ROBO2: variants seen among roughly 807,000 people sequenced by gnomAD.
ROBO2 encodes roundabout guidance receptor 2, also known as roundabout homolog 2.
In ROBO2, 53 loss-of-function variants were observed where a neutral mutation model predicts 160.8. The observed-to-expected ratio is 0.33, with a 90% CI of 0.26 to 0.41. The LOEUF (loss-of-function observed/expected upper bound fraction) is 0.41. ROBO2 is among the 10% of genes least tolerant of loss of function. The pLI, the probability that ROBO2 is intolerant of heterozygous loss-of-function variation, is 1.00. For synonymous variants in ROBO2, 664 were observed against 611.7 expected (o/e 1.09, Z -1.26); for missense variants, 1,577 against 1,722.4 (o/e 0.92, Z 1.49).
chr3:76,946,525 C>T (rs977640988), intron 2 of ROBO2, among the ~76,000 whole-genome samples: 1 of 152,132 alleles, frequency 6.6e-6, no homozygotes, highest in African/African-American at 2.4e-5. Flanking sequence ...ACAACCTCTG[C>T]CTCCCAGGTT....
At chr3:77,116,603 A>G (rs535419492) in intron 2 of ROBO2, among the ~76,000 whole-genome samples, 1 of 152,264 alleles carries the variant, frequency 6.6e-6, no homozygotes, top group South Asian at 2.1e-4. Context: ...TCAAGGAAGT[A>G]TTTACCTGTA....
In ROBO2 at chr3:76,170,936, T is replaced by C. The variant is rs76877111; in HGVS notation, c.109+233334T>C. Among the ~76,000 whole-genome samples, 5 of 152,252 alleles carry C rather than the reference T, an allele frequency of 3.3e-5. No homozygotes were observed. In the East Asian group the frequency reaches 9.7e-4, roughly 30 times the overall value. On this transcript the variant is annotated intron_variant, in intron 2 of 26. Transcript: ENST00000487694. The stretch of plus-strand genomic sequence containing the variant: ...ATACAGTGATCATTGTTAAGCACCT[T>C]CTGTATGCCAGGCACTGCTGATATG...
intron 2 of ROBO2, among the ~76,000 whole-genome samples, chr3:76,668,837 A>G (rs184722619): frequency 4.5e-3 from 687 of 152,138 alleles, no homozygotes; most frequent in Non-Finnish European, 6.5e-3. Flanking sequence ...TGAGGAACTG[A>G]AAGTGTAATT....
intron 2 of ROBO2, among the ~76,000 whole-genome samples, chr3:76,696,139 A>G (rs2092921758): frequency 6.6e-6 from 1 of 152,164 alleles, no homozygotes; most frequent in Non-Finnish European, 1.5e-5. Flanking sequence ...TCAGCTGTGA[A>G]TGACTTGAGG....
chr3:77,645,183 T>C (rs2095400231), intron 25 of ROBO2, among the ~76,000 whole-genome samples: 1 of 152,184 alleles, frequency 6.6e-6, no homozygotes, highest in Non-Finnish European at 1.5e-5. Context: ...AAATTAAATA[T>C]AGAGTGTTTA....
chr3:75,916,837 A>C, intron 1 of ROBO2, among the ~76,000 whole-genome samples: 1 of 151,816 alleles, frequency 6.6e-6, no homozygotes, highest in Admixed American at 6.6e-5. Context: ...AATATAAATG[A>C]AATTATTATG....
intron 1 of ROBO2, among the ~76,000 whole-genome samples, chr3:77,087,820 GTA>G (rs1034966073): frequency 1.3e-5 from 2 of 151,470 alleles, no homozygotes; most frequent in Admixed American, 1.3e-4. Context: ...TAGGAATGTT[GTA>G]TATATATACA....
At chr3:75,964,762 T>C (rs1949044304) in intron 2 of ROBO2, among the ~76,000 whole-genome samples, 1 of 151,650 alleles carries the variant, frequency 6.6e-6, no homozygotes, top group African/African-American at 2.4e-5. Flanking sequence ...ATCCCTGCAT[T>C]CTTATCATGA....
At chr3:77,040,890 C>T in intron 1 of ROBO2, 44 bp downstream of exon 1, 1 of 1,610,362 alleles carries the variant, frequency 6.2e-7, no homozygotes, top group Non-Finnish European at 8.5e-7. Flanking sequence ...CCCCCACCCC[C>T]CAATCCCCCA....
At chr3:76,048,179 GT>G (rs1365126575) in intron 2 of ROBO2, among the ~76,000 whole-genome samples, 3 of 152,014 alleles carry the variant, frequency 2.0e-5, no homozygotes, top group Non-Finnish European at 2.9e-5. Context: ...AGGTGGGCAG[GT>G]TTTTTATGCT....
At chr3:77,570,049 C>A (rs1049357351) in intron 13 of ROBO2, among the ~76,000 whole-genome samples, 10 of 151,908 alleles carry the variant, frequency 6.6e-5, no homozygotes, top group African/African-American at 2.4e-4. Context: ...CATGCCTTTT[C>A]TATCTTTCAG....
chr3:76,405,047 A>G (rs9810018), intron 2 of ROBO2, among the ~76,000 whole-genome samples: 1 of 151,540 alleles, frequency 6.6e-6, no homozygotes, highest in Non-Finnish European at 1.5e-5. Context: ...AACTTTGGAC[A>G]ATGGCATGTG....
rs57920315 is a variant in ROBO2 at position 76,624,796 on chromosome 3, C to CAAAAAAAAAAAAA, written c.110-473192_110-473180dup. ...TGAGTGACAGAGTGAGACTCCGTCT[C>CAAAAAAAAAAAAA]AAAAAAAAAAAAAAAAAAAAAAAAA... is the stretch of plus-strand genomic sequence containing the variant. On this transcript the variant is annotated intron_variant, in intron 2 of 26. Transcript: ENST00000487694. 8.2e-4 allele frequency among the ~76,000 whole-genome samples: 38 copies of CAAAAAAAAAAAAA among 46,324 alleles called. 1 individual carries two copies. The highest frequency in any genetic ancestry group is 1.2e-3 in the Admixed American group (3 of 2,536). 30.4% of individuals were successfully genotyped at this position (46,324 alleles called of 152,430 possible).
At chr3:75,924,768 A>T (rs2106869511) in intron 1 of ROBO2, among the ~76,000 whole-genome samples, 1 of 123,508 alleles carries the variant, frequency 8.1e-6, no homozygotes, top group Admixed American at 1.1e-4. Flanking sequence ...GGCTCACTGC[A>T]AGCTCTGCCT....
intron 1 of ROBO2, among the ~76,000 whole-genome samples, chr3:75,918,095 C>G (rs141237698): frequency 1.3e-5 from 2 of 152,026 alleles, no homozygotes; most frequent in Non-Finnish European, 2.9e-5. Context: ...GTTTTAGTCA[C>G]GAAGTCTTTG....
intron 2 of ROBO2, among the ~76,000 whole-genome samples, chr3:76,315,221 A>G (rs1157960612): frequency 2.0e-5 from 3 of 152,212 alleles, no homozygotes; most frequent in African/African-American, 7.2e-5. Flanking sequence ...AGTTCACTCA[A>G]TCATCTCACT....
chr3:77,039,682 C>G (rs1256913923), upstream of ROBO2, among the ~76,000 whole-genome samples: 15 of 152,242 alleles, frequency 9.9e-5, no homozygotes, highest in Admixed American at 7.2e-4. Context: ...CTCCCCACTC[C>G]CCAGCGGGCG....
intron 2 of ROBO2, among the ~76,000 whole-genome samples, chr3:76,056,144 C>T (rs1283535855): frequency 6.6e-6 from 1 of 152,112 alleles, no homozygotes; most frequent in Non-Finnish European, 1.5e-5. Flanking sequence ...ATAGCATTCA[C>T]ATTGTATTAA....
chr3:76,692,882 A>G (rs1422399048), intron 2 of ROBO2, among the ~76,000 whole-genome samples: 1 of 141,694 alleles, frequency 7.1e-6, no homozygotes, highest in Non-Finnish European at 1.5e-5. Context: ...ACACTATATA[A>G]CTCTCTCTCT....
Sources: gnomAD v4.1 joint callset for allele counts (sites outside exome capture counted in the v4.1 genomes callset) on GRCh38, gnomAD v4.1.1 for gene constraint, MANE v1.5 for transcripts, NCBI Gene and HGNC (gene_info 2026-07-23, HGNC 2026-07-21) for gene names.